The following PDZD8 variants were observed in gnomAD, a reference collection of about 807,000 sequenced individuals.
PDZD8 encodes PDZ domain-containing protein 8.
PDZD8 carries 14 observed loss-of-function variants against 85.8 expected under a neutral mutation model. The observed-to-expected ratio is 0.16, with a 90% confidence interval of 0.11 to 0.26. PDZD8 has a LOEUF of 0.26. Ranked by LOEUF, PDZD8 falls within the 10% of genes least tolerant of loss-of-function variation. The probability of loss-of-function intolerance (pLI) is 1.00; values close to 1 mark genes in which losing one functional copy is unlikely to be tolerated. For missense variants in PDZD8, 1,197 were observed against 1,424.3 expected, an observed-to-expected ratio of 0.84 and a Z score of 2.57; for synonymous variants, 592 against 568.6, an observed-to-expected ratio of 1.04 and a Z score of -0.59.
intron 1 of PDZD8, among the ~76,000 whole-genome samples, chr10:117,355,281 G>A (rs540118060): frequency 2.6e-5 from 4 of 152,192 alleles, no homozygotes; most frequent in African/African-American, 9.6e-5. Context: ...TACTTCAGTC[G>A]CCTCCTGTCT....
chr10:117,320,575 A>G (rs557362354), intron 2 of PDZD8, among the ~76,000 whole-genome samples: 1 of 152,276 alleles, frequency 6.6e-6, no homozygotes, highest in East Asian at 1.9e-4. Context: ...TATAAAAGCT[A>G]AAACTATAAA....
chr10:117,367,761 C>T (rs1845115193), intron 1 of PDZD8, among the ~76,000 whole-genome samples: 1 of 152,042 alleles, frequency 6.6e-6, no homozygotes, highest in East Asian at 1.9e-4. Context: ...TGGCAAAACC[C>T]CATCTCTACT....
At chr10:117,344,453 T>C (rs1472982290) in intron 1 of PDZD8, among the ~76,000 whole-genome samples, 1 of 152,184 alleles carries the variant, frequency 6.6e-6, no homozygotes, top group Non-Finnish European at 1.5e-5. Context: ...AGTGGCACAA[T>C]CTCGGCTCAC....
intron 1 of PDZD8, among the ~76,000 whole-genome samples, chr10:117,344,439 G>C (rs1844668594): frequency 6.6e-6 from 1 of 152,156 alleles, no homozygotes; most frequent in African/African-American, 2.4e-5. Context: ...CCAGGCTGGA[G>C]TGCAGTGGCA....
chr10:117,322,273 G>T (rs545856124), intron 2 of PDZD8, among the ~76,000 whole-genome samples: 2 of 152,300 alleles, frequency 1.3e-5, no homozygotes, highest in African/African-American at 4.8e-5. Context: ...ACATGAAGGA[G>T]ATTTCTGATG....
intron 1 of PDZD8, among the ~76,000 whole-genome samples, chr10:117,356,541 T>C (rs1415254659): frequency 6.6e-6 from 1 of 152,192 alleles, no homozygotes; most frequent in Non-Finnish European, 1.5e-5. Flanking sequence ...CCATGCTCTT[T>C]TAGGAATAAA....
intron 2 of PDZD8, among the ~76,000 whole-genome samples, chr10:117,328,142 T>G (rs1844348880): frequency 6.6e-6 from 1 of 152,198 alleles, no homozygotes; most frequent in African/African-American, 2.4e-5. Context: ...CTTATTTATT[T>G]TGTTTGCAAG....
intron 2 of PDZD8, among the ~76,000 whole-genome samples, chr10:117,322,660 G>A (rs557089685): frequency 5.9e-5 from 9 of 152,230 alleles, no homozygotes; most frequent in Non-Finnish European, 1.0e-4. Flanking sequence ...TCAGGTGTCT[G>A]GTTCACAGAG....
At chr10:117,355,428 TC>T (rs1276016126) in intron 1 of PDZD8, among the ~76,000 whole-genome samples, 1 of 152,166 alleles carries the variant, frequency 6.6e-6, no homozygotes. Flanking sequence ...TCCTGCAAGA[TC>T]CCCTCCTCCC....
chr10:117,285,534 T>C, intron 4 of PDZD8, 63 bp from the exon 5 acceptor site: 12 of 1,317,004 alleles, frequency 9.1e-6, no homozygotes, highest in African/African-American at 1.5e-5. Flanking sequence ...CTACATTTGT[T>C]AAATGTATTT....
chr10:117,309,706 C>T (rs1366635255), intron 3 of PDZD8, among the ~76,000 whole-genome samples: 1 of 152,128 alleles, frequency 6.6e-6, no homozygotes, highest in African/African-American at 2.4e-5. Context: ...TTGATTTTAT[C>T]CATTGCTGCC....
At chr10:117,342,997 G>T (rs1165321975) in intron 1 of PDZD8, among the ~76,000 whole-genome samples, 11 of 151,984 alleles carry the variant, frequency 7.2e-5, no homozygotes, top group Non-Finnish European at 1.3e-4. Flanking sequence ...TCTCTATCTT[G>T]CAGTCCTCTA....
intron 4 of PDZD8, among the ~76,000 whole-genome samples, chr10:117,287,539 C>A (rs1252498437): frequency 6.6e-6 from 1 of 152,150 alleles, no homozygotes; most frequent in Non-Finnish European, 1.5e-5. Context: ...GTCTCTCTGT[C>A]CTCACTACTA....
At chr10:117,303,187 A>T (rs1843876893) in intron 3 of PDZD8, among the ~76,000 whole-genome samples, 2 of 152,234 alleles carry the variant, frequency 1.3e-5, no homozygotes, top group African/African-American at 2.4e-5. Flanking sequence ...ACTGACAGCG[A>T]CATGGACAAT....
In PDZD8 at chr10:117,371,689, C is replaced by T. The variant is rs917415616; in HGVS notation, c.872+2667G>A. On this transcript the variant is annotated intron_variant, in intron 1 of 4. Transcript: ENST00000334464. ...GTGGCTCACACCTGTAATCCCAGCA[C>T]TTTGGGAGGCTGAGGTGGGAGGATC... 2.0e-5 allele frequency among the ~76,000 whole-genome samples: 3 copies of T among 152,272 alleles called. No individual in the cohort carries two copies. The East Asian group carries it at 5.8e-4, about 29-fold the overall frequency.
At chr10:117,303,043 C>A (rs1170745547) in intron 3 of PDZD8, among the ~76,000 whole-genome samples, 1 of 152,104 alleles carries the variant, frequency 6.6e-6, no homozygotes, top group Non-Finnish European at 1.5e-5. Context: ...GAAAAGATAC[C>A]TGAAAATGTG....
chr10:117,324,626 T>C (rs547628181), intron 2 of PDZD8, among the ~76,000 whole-genome samples: 5 of 152,284 alleles, frequency 3.3e-5, no homozygotes, highest in East Asian at 3.9e-4. Context: ...TTTAAGATCA[T>C]ACCATTGGCC....
chr10:117,371,764 C>T (rs773096220), intron 1 of PDZD8, among the ~76,000 whole-genome samples: 3 of 152,026 alleles, frequency 2.0e-5, no homozygotes, highest in Non-Finnish European at 4.4e-5. Flanking sequence ...CAAAGCAAGA[C>T]CTATCTCTAC....
At chr10:117,302,247 A>T (rs74869945) in intron 3 of PDZD8, among the ~76,000 whole-genome samples, 2,724 of 152,278 alleles carry the variant, frequency 0.018, 75 homozygotes, top group African/African-American at 0.059. Context: ...TATATTCTCA[A>T]TCATTTTCCA....
Sources: gnomAD v4.1 joint callset for allele counts (sites outside exome capture counted in the v4.1 genomes callset) on GRCh38, gnomAD v4.1.1 for gene constraint, MANE v1.5 for transcripts, NCBI Gene and HGNC (gene_info 2026-07-23, HGNC 2026-07-21) for gene names.